SLC35F1: variants seen among roughly 807,000 people sequenced by gnomAD.
SLC35F1 encodes the protein chromosome 6 open reading frame 169.
In SLC35F1, 14 loss-of-function variants were observed where a neutral mutation model predicts 48.7. That is an observed-to-expected ratio of 0.29 (90% CI 0.19 to 0.45). The LOEUF is 0.45. Among genes scored for constraint, SLC35F1 ranks in the 20% least tolerant of loss-of-function variants. SLC35F1 has a pLI of 1.00. For synonymous variants in SLC35F1, 190 were observed against 202.2 expected (o/e 0.94, Z 0.51); for missense variants, 404 against 500.0 (o/e 0.81, Z 1.83).
At chr6:118,088,672 A>G (rs9398482) in intron 1 of SLC35F1, among the ~76,000 whole-genome samples, 149,598 of 152,336 alleles carry the variant, frequency 0.98, 73,525 homozygotes, top group Middle Eastern at 1. Context: ...GGGGTGAGAA[A>G]GCAAGGCTAC....
intron 2 of SLC35F1, among the ~76,000 whole-genome samples, chr6:118,231,475 A>G (rs1288437869): frequency 6.6e-6 from 1 of 152,218 alleles, no homozygotes; most frequent in Non-Finnish European, 1.5e-5. Context: ...GCAGATCAGC[A>G]TTAATGGGAG....
At chr6:117,983,604 T>A (rs1176241777) in intron 1 of SLC35F1, among the ~76,000 whole-genome samples, 2 of 151,894 alleles carry the variant, frequency 1.3e-5, no homozygotes, top group Non-Finnish European at 2.9e-5. Context: ...GAAAAGAAAA[T>A]TCAGAAGCAG....
intron 2 of SLC35F1, among the ~76,000 whole-genome samples, chr6:118,206,183 T>A (rs1774933523): frequency 6.6e-6 from 1 of 152,232 alleles, no homozygotes; most frequent in African/African-American, 2.4e-5. Flanking sequence ...ATATTTTACA[T>A]TACATTTTTG....
intron 2 of SLC35F1, among the ~76,000 whole-genome samples, chr6:118,193,386 A>G (rs551047634): frequency 2.6e-5 from 4 of 152,322 alleles, no homozygotes; most frequent in Non-Finnish European, 4.4e-5. Flanking sequence ...AAACTTAATA[A>G]TACCCCTTTA....
chr6:118,138,239 T>C (rs1308438044), intron 1 of SLC35F1, among the ~76,000 whole-genome samples: 2 of 151,266 alleles, frequency 1.3e-5, no homozygotes, highest in Non-Finnish European at 2.9e-5. Flanking sequence ...GCTCAGGAGT[T>C]CCAGGCTGCA....
intron 7 of SLC35F1, 109 bp from the exon 8 acceptor site, chr6:118,313,919 G>C: frequency 1.0e-6 from 1 of 984,716 alleles, no homozygotes; most frequent in Non-Finnish European, 1.6e-6. Flanking sequence ...AACTCATCAT[G>C]CTGCCTGTTC....
At chr6:118,242,205 A>G (rs1775450062) in intron 3 of SLC35F1, among the ~76,000 whole-genome samples, 2 of 152,224 alleles carry the variant, frequency 1.3e-5, no homozygotes, top group Admixed American at 1.3e-4. Flanking sequence ...TGAGACATCT[A>G]TTGGTTCTCC....
intron 4 of SLC35F1, among the ~76,000 whole-genome samples, chr6:118,267,702 G>A (rs970737498): frequency 6.6e-6 from 1 of 152,188 alleles, no homozygotes; most frequent in Non-Finnish European, 1.5e-5. Context: ...GGAGAGTTAA[G>A]TTCAGTCTTC....
chr6:118,211,249 A>G (rs1246494174), intron 2 of SLC35F1, among the ~76,000 whole-genome samples: 2 of 152,160 alleles, frequency 1.3e-5, no homozygotes, highest in African/African-American at 2.4e-5. Context: ...CTGACAGACA[A>G]CCCTAGTCAG....
chr6:117,999,319 GCTC>G, intron 1 of SLC35F1: 1 of 1,595,862 alleles, frequency 6.3e-7, no homozygotes, highest in South Asian at 1.1e-5. Flanking sequence ...TTGCCAAGGG[GCTC>G]AGGCTGTGCC....
intron 2 of SLC35F1, among the ~76,000 whole-genome samples, chr6:118,185,580 C>A (rs1391403022): frequency 2.0e-5 from 3 of 152,194 alleles, no homozygotes; most frequent in Non-Finnish European, 4.4e-5. Context: ...TTCAGGGAAG[C>A]ATTCCCTGAG....
At chr6:118,156,573 A>G (rs1171854081) in intron 2 of SLC35F1, among the ~76,000 whole-genome samples, 1 of 152,146 alleles carries the variant, frequency 6.6e-6, no homozygotes, top group African/African-American at 2.4e-5. Flanking sequence ...TATCTAATGT[A>G]AATGACGAGT....
rs75496978 is a variant in SLC35F1 at position 118,276,936 on chromosome 6, G to A, written c.795-558G>A. Among the ~76,000 whole-genome samples, 1,342 of 152,210 alleles carry A rather than the reference G, an allele frequency of 8.8e-3. 13 individuals carry two copies. Among genetic ancestry groups the A allele is most frequent in the African/African-American group, 0.03 (1,255 of 41,528 alleles). ...CTCCCCATTCTCTTCTAGATGAGAG[G>A]TTCTCAAAATATGGTCCTCTGAGCA... On this transcript the variant is annotated intron_variant, in intron 5 of 7. Coordinates refer to ENST00000360388, the MANE Select transcript of SLC35F1 (RefSeq NM_001029858.4).
chr6:118,243,065 G>A (rs1368007840), intron 3 of SLC35F1, among the ~76,000 whole-genome samples: 1 of 152,160 alleles, frequency 6.6e-6, no homozygotes, highest in African/African-American at 2.4e-5. Flanking sequence ...ACAAATGCCA[G>A]CCTCCCTAAT....
At chr6:118,303,715 G>A (rs902976080) in intron 7 of SLC35F1, among the ~76,000 whole-genome samples, 10 of 152,316 alleles carry the variant, frequency 6.6e-5, no homozygotes, top group South Asian at 2.1e-4. Flanking sequence ...ATTTAGAGTT[G>A]TTACTCATTA....
At chr6:118,072,040 T>C (rs1772738823) in intron 1 of SLC35F1, among the ~76,000 whole-genome samples, 1 of 152,262 alleles carries the variant, frequency 6.6e-6, no homozygotes, top group Admixed American at 6.5e-5. Flanking sequence ...ATTTATATTA[T>C]TCAGATGTTG....
chr6:118,233,542 T>C (rs1775323711), intron 2 of SLC35F1, among the ~76,000 whole-genome samples: 1 of 152,232 alleles, frequency 6.6e-6, no homozygotes, highest in South Asian at 2.1e-4. Context: ...CACTTTTTTT[T>C]TGTTTTCAAT....
intron 2 of SLC35F1, among the ~76,000 whole-genome samples, chr6:118,178,394 G>A (rs553658043): frequency 1.3e-5 from 2 of 151,926 alleles, no homozygotes; most frequent in Non-Finnish European, 2.9e-5. Context: ...TTTTACTTTT[G>A]TATTCAATGC....
chr6:118,154,664 T>TA (rs754335489), intron 2 of SLC35F1, 44 bp downstream of exon 2: 164 of 1,508,934 alleles, frequency 1.1e-4, no homozygotes, highest in Admixed American at 3.2e-4. Context: ...TACAAACACC[T>TA]AAAAAAAAGA....
Sources: gnomAD v4.1 joint callset for allele counts (sites outside exome capture counted in the v4.1 genomes callset) on GRCh38, gnomAD v4.1.1 for gene constraint, MANE v1.5 for transcripts, NCBI Gene and HGNC (gene_info 2026-07-23, HGNC 2026-07-21) for gene names.